The following MYZAP variants were observed in gnomAD, a reference collection of about 807,000 sequenced individuals.
The protein encoded by MYZAP is GRINL1A complex locus upstream.
Under a neutral mutation model 69.4 loss-of-function variants are expected in MYZAP, and 66 were observed. The observed-to-expected ratio is 0.95, with a 90% CI of 0.78 to 1.17. MYZAP has a LOEUF of 1.17. Ranked by LOEUF, MYZAP falls within the 50% of genes most tolerant of loss-of-function variation. MYZAP has a pLI of 0.00. For missense variants in MYZAP, 611 were observed against 556.2 expected (o/e 1.10, Z -0.99); for synonymous variants, 256 against 205.9 (o/e 1.24, Z -2.09).
intron 6 of MYZAP, among the ~76,000 whole-genome samples, chr15:57,630,516 G>C (rs927273468): frequency 2.0e-5 from 3 of 152,144 alleles, no homozygotes; most frequent in Non-Finnish European, 4.4e-5. Flanking sequence ...ACAAATAGCT[G>C]GTACTTGGGC....
chr15:57,618,508 A>G (rs2035615235), intron 3 of MYZAP, among the ~76,000 whole-genome samples: 1 of 152,174 alleles, frequency 6.6e-6, no homozygotes, highest in Non-Finnish European at 1.5e-5. Context: ...CCAGTCCCAC[A>G]TTCATCCCTG....
chr15:57,598,824 A>T (rs750517843), intron 1 of MYZAP, among the ~76,000 whole-genome samples: 2 of 152,184 alleles, frequency 1.3e-5, no homozygotes, highest in Non-Finnish European at 2.9e-5. Context: ...CACAGACTAG[A>T]ACGCCTTGCC....
intron 2 of MYZAP, among the ~76,000 whole-genome samples, chr15:57,610,797 C>T (rs767170646): frequency 6.6e-6 from 1 of 152,074 alleles, no homozygotes; most frequent in African/African-American, 2.4e-5. Context: ...TTGTCAGACA[C>T]GGAGGAGGAG....
intron 1 of MYZAP, among the ~76,000 whole-genome samples, chr15:57,597,436 T>C (rs765520690): frequency 2.0e-5 from 3 of 152,226 alleles, no homozygotes; most frequent in Non-Finnish European, 4.4e-5. Flanking sequence ...CTCCCTTCTA[T>C]AGCTTTCTTG....
intron 10 of MYZAP, among the ~76,000 whole-genome samples, chr15:57,658,201 A>T (rs538914006): frequency 3.3e-5 from 5 of 152,176 alleles, no homozygotes; most frequent in South Asian, 2.1e-4. Flanking sequence ...ATTTGGCCAT[A>T]CTTGCTTTAT....
intron 10 of MYZAP, among the ~76,000 whole-genome samples, chr15:57,642,057 C>T (rs774197280): frequency 2.0e-5 from 3 of 152,216 alleles, no homozygotes; most frequent in Non-Finnish European, 2.9e-5. Context: ...TGCAGCTCTT[C>T]ATTCACAACA....
chr15:57,626,196 A>G (rs892673771), intron 5 of MYZAP, among the ~76,000 whole-genome samples: 1 of 152,116 alleles, frequency 6.6e-6, no homozygotes, highest in African/African-American at 2.4e-5. Context: ...GCCTAACCCC[A>G]CACGTCAGCC....
intron 11 of MYZAP, among the ~76,000 whole-genome samples, chr15:57,671,524 T>C (rs1394736390): frequency 6.6e-6 from 1 of 152,150 alleles, no homozygotes; most frequent in African/African-American, 2.4e-5. Flanking sequence ...ACCCGTATGT[T>C]AGGCTTTTCA....
intron 12 of MYZAP, 145 bp downstream of exon 12, chr15:57,675,213 G>C (rs959130742): frequency 1.3e-6 from 1 of 784,680 alleles, no homozygotes. Context: ...TGAGAGGCTT[G>C]ACTGGTTTCT....
intron 10 of MYZAP, among the ~76,000 whole-genome samples, chr15:57,653,826 G>A (rs1052032874): frequency 4.0e-5 from 6 of 151,532 alleles, no homozygotes; most frequent in African/African-American, 1.2e-4. Context: ...GTAACATAGC[G>A]AGACCCTGTC....
intron 2 of MYZAP, among the ~76,000 whole-genome samples, chr15:57,606,187 G>A (rs1413901848): frequency 1.3e-5 from 2 of 152,160 alleles, no homozygotes; most frequent in Non-Finnish European, 2.9e-5. Context: ...CTTCACAGTG[G>A]AGTAGGCAGG....
At chr15:57,613,882 A>G (rs1350159689) in intron 2 of MYZAP, among the ~76,000 whole-genome samples, 1 of 151,732 alleles carries the variant, frequency 6.6e-6, no homozygotes, top group Non-Finnish European at 1.5e-5. Context: ...TCTTAATATC[A>G]TCATAATGCT....
In MYZAP at chr15:57,684,488, C is replaced by G. The variant is rs1489146936; in HGVS notation, c.1391C>G (p.Thr464Ser). The G allele has an allele frequency of 1.2e-6, 2 of 1,608,894 alleles. No individual in the cohort carries two copies. Among genetic ancestry groups the G allele is most frequent in the African/African-American group, 2.7e-5 (2 of 74,708 alleles). ...TRVLELTMKK[T>S]LT ...GTCCTGGAGTTAACCATGAAGAAAA[C>G]TCTGACTTAGGCACTCAGAGGCATA... Residue 464 changes from threonine to serine, a missense_variant, in exon 13 of 13, where the codon ACT becomes AGT. Coordinates refer to ENST00000267853, the MANE Select transcript of MYZAP (RefSeq NM_001018100.5).
At chr15:57,682,575 G>A (rs568552688) in intron 12 of MYZAP, among the ~76,000 whole-genome samples, 8 of 152,132 alleles carry the variant, frequency 5.3e-5, no homozygotes, top group Middle Eastern at 3.4e-3. Context: ...GTCAACCCTC[G>A]ATAGTACCAG....
chr15:57,655,265 A>G (rs186674634), intron 10 of MYZAP, among the ~76,000 whole-genome samples: 252 of 152,302 alleles, frequency 1.7e-3, no homozygotes, highest in Middle Eastern at 3.4e-3. Context: ...CTGTGTGTTC[A>G]AAGTCCTGGA....
In MYZAP at chr15:57,661,454, A is replaced by G; in HGVS notation, c.1124A>G (p.Glu375Gly). 6.2e-7 allele frequency: 1 copy of G among 1,607,330 alleles called. No individual in the cohort carries two copies. The highest frequency in any genetic ancestry group is 1.7e-5 in the Admixed American group (1 of 59,396). The change falls in exon 11 of 13, where the codon GAA becomes GGA. Residue 375 changes from glutamate to glycine, a missense_variant. By Grantham distance (98) the Glu-to-Gly change is moderately conservative (BLOSUM62 -2). Coordinates refer to ENST00000267853, the MANE Select transcript of MYZAP (RefSeq NM_001018100.5). ...KKVKQMVEEI[E>G]SLKKKLQQKQ... Reference sequence around the variant, plus strand: ...TTTCCATCCCTTTCTTTCTAGATTGAATCATTAAAGAAAAAGTTGCAACAG... The same window carrying G: ...TTTCCATCCCTTTCTTTCTAGATTGGATCATTAAAGAAAAAGTTGCAACAG...
chr15:57,619,893 A>G (rs149509975), intron 3 of MYZAP, among the ~76,000 whole-genome samples: 2,243 of 152,240 alleles, frequency 0.015, 30 homozygotes, highest in South Asian at 0.045. Context: ...GATGACATGT[A>G]CCAAAGACAT....
intron 12 of MYZAP, among the ~76,000 whole-genome samples, chr15:57,681,290 T>C (rs1374529437): frequency 6.6e-6 from 1 of 152,224 alleles, no homozygotes; most frequent in African/African-American, 2.4e-5. Context: ...TTGCTCTCTG[T>C]GGCAGGTGAC....
intron 4 of MYZAP, among the ~76,000 whole-genome samples, chr15:57,622,303 C>T (rs1158442002): frequency 6.6e-6 from 1 of 152,042 alleles, no homozygotes; most frequent in Non-Finnish European, 1.5e-5. Context: ...GAAAGAAACA[C>T]CATGTGCTTA....
Sources: gnomAD v4.1 joint callset for allele counts (sites outside exome capture counted in the v4.1 genomes callset) on GRCh38, gnomAD v4.1.1 for gene constraint, MANE v1.5 for transcripts, NCBI Gene and HGNC (gene_info 2026-07-23, HGNC 2026-07-21) for gene names.